The following NDRG2 variants were observed in gnomAD, a reference collection of about 807,000 sequenced individuals.
NDRG2 encodes NDRG family member 2, also known as protein NDRG2.
In NDRG2, 34 loss-of-function variants were observed where a neutral mutation model predicts 58.2. The ratio of observed to expected loss-of-function variants is 0.58; its 90% CI spans 0.44 to 0.78. The LOEUF is 0.78. NDRG2 is among the 30% of genes least tolerant of loss of function. The probability of loss-of-function intolerance (pLI) is 0.00; values close to 1 mark genes in which losing one functional copy is unlikely to be tolerated. For missense variants in NDRG2, 434 were observed against 471.2 expected (o/e 0.92, Z 0.73); for synonymous variants, 187 against 175.9 (o/e 1.06, Z -0.50).
chr14:21,070,643 T>C lies in NDRG2; in HGVS notation c.24+185A>G, dbSNP rs540513607. 6.6e-6 allele frequency among the ~76,000 whole-genome samples: 1 copy of C among 151,744 alleles called. No homozygotes were observed. Among genetic ancestry groups the C allele is most frequent in the Non-Finnish European group, 1.5e-5 (1 of 67,886 alleles). On this transcript the variant is annotated intron_variant, in intron 1 of 14. Coordinates refer to the NDRG2 transcript ENST00000403829. This position sits in a 1 kb window ranked among gnomAD's most constrained non-coding sequence, Gnocchi z 4.7. ...CCTCCGCCTCCTCCCCCATCCTCCC[T>C]TGGGTCTCTCCCCTAATCCACACAC... is the stretch of plus-strand genomic sequence containing the variant.
At chr14:21,043,055 G>T (rs372072003) in intron 1 of NDRG2, 2 of 1,614,186 alleles carry the variant, frequency 1.2e-6, no homozygotes. Flanking sequence ...GGCTGTGGGT[G>T]GCAGAGATCC....
chr14:21,050,218 T>C (rs1885403983), intron 1 of NDRG2, among the ~76,000 whole-genome samples: 1 of 152,214 alleles, frequency 6.6e-6, no homozygotes, highest in Non-Finnish European at 1.5e-5. Context: ...GACCTTCACC[T>C]GAATGCTCAT....
chr14:21,030,743 C>G, upstream of NDRG2: 1 of 1,613,910 alleles, frequency 6.2e-7, no homozygotes, highest in Non-Finnish European at 8.5e-7. Flanking sequence ...ACATCGTGTT[C>G]AGCAAAGTCA....
intron 1 of NDRG2, chr14:21,030,927 C>A: frequency 1.9e-6 from 3 of 1,540,998 alleles, no homozygotes; most frequent in Non-Finnish European, 2.6e-6. Context: ...ACAAAAGAGG[C>A]CAAATCTGAG....
intron 1 of NDRG2, among the ~76,000 whole-genome samples, chr14:21,062,266 G>A (rs1886000913): frequency 6.6e-6 from 1 of 152,214 alleles, no homozygotes; most frequent in Admixed American, 6.5e-5. Flanking sequence ...ACTGCACAGT[G>A]GGCTTTGGTG....
At chr14:21,026,150 A>C (rs995552026), upstream of NDRG2, among the ~76,000 whole-genome samples, 1 of 151,302 alleles carries the variant, frequency 6.6e-6, no homozygotes, top group Non-Finnish European at 1.5e-5. Flanking sequence ...ACACACGCAC[A>C]CGCACACACA....
upstream of NDRG2, chr14:21,029,248 C>T (rs905244269): frequency 1.3e-5 from 2 of 152,166 alleles, no homozygotes; most frequent in African/African-American, 4.8e-5. Flanking sequence ...TTCATTAATC[C>T]GTTTTCATTA....
intron 1 of NDRG2, among the ~76,000 whole-genome samples, chr14:21,062,393 C>T (rs1886009417): frequency 6.6e-6 from 1 of 152,150 alleles, no homozygotes; most frequent in Non-Finnish European, 1.5e-5. Context: ...CAGAGTGGAA[C>T]CTGGACCTCT....
chr14:21,043,478 T>C, intron 1 of NDRG2: 1 of 1,553,902 alleles, frequency 6.4e-7, no homozygotes, highest in Non-Finnish European at 8.7e-7. Context: ...CCAGACTGGC[T>C]TGCTCTTTGG....
intron 7 of NDRG2, 31 bp downstream of exon 7, chr14:21,020,753 C>T (rs202002305): frequency 1.2e-6 from 2 of 1,613,854 alleles, no homozygotes; most frequent in Admixed American, 1.7e-5. Context: ...CTGGACCCTC[C>T]TTTCCCTCCT....
intron 14 of NDRG2, 53 bp from the exon 15 acceptor site, chr14:21,018,091 G>C: frequency 6.2e-7 from 1 of 1,605,164 alleles, no homozygotes; most frequent in Non-Finnish European, 8.5e-7. Flanking sequence ...TAGAGGAAGA[G>C]CTGGAGCCTG....
At chr14:21,017,832 T>C in intron 15 of NDRG2, 70 bp from the exon 16 acceptor site, 1 of 1,605,332 alleles carries the variant, frequency 6.2e-7, no homozygotes, top group African/African-American at 1.3e-5. Flanking sequence ...ACTCAGGGTG[T>C]GGTCCTTGGA....
chr14:21,048,695 G>GA (rs1885322684), intron 1 of NDRG2, among the ~76,000 whole-genome samples: 1 of 152,218 alleles, frequency 6.6e-6, no homozygotes, highest in Non-Finnish European at 1.5e-5. Context: ...AGCATGTAGG[G>GA]AAAGTTTGAA....
At chr14:21,018,861 C>T in intron 11 of NDRG2, 47 bp from the exon 12 acceptor site, 2 of 1,610,190 alleles carry the variant, frequency 1.2e-6, no homozygotes, top group Non-Finnish European at 1.7e-6. Flanking sequence ...CTGGCACTCC[C>T]TCACTGGCCT....
chr14:21,069,647 A>G (rs1339637851), intron 1 of NDRG2, among the ~76,000 whole-genome samples: 2 of 152,234 alleles, frequency 1.3e-5, no homozygotes, highest in African/African-American at 4.8e-5. Context: ...TTCCCCAGGC[A>G]ACACAGAGGA....
rs1884479267 is a variant in NDRG2 at position 21,034,433 on chromosome 14, A to G, written c.25-11112T>C. 7.6e-6 allele frequency: 5 copies of G among 657,764 alleles called. 1 individual carries two copies. The highest frequency in any genetic ancestry group is 4.0e-5 in the South Asian group (2 of 50,040). The allele number at this position is 657,764 out of a possible 1,614,324, so 40.7% of individuals were successfully genotyped here. ...ATAACCAAGTTCTCATGACCCAGAA[A>G]GAGGAGATGCTTGCCCAAGGCCACC... is the stretch of plus-strand genomic sequence containing the variant. On this transcript the variant is annotated intron_variant, in intron 1 of 14. Transcript: ENST00000403829.
rs1313106044 is a variant in NDRG2, at chr14:21,020,414, G to T, written c.555+82C>A. ...CTCCTTGAAGTTCAGAGTCCATCCAGTTAGGCTATCTACCAGAGCCTAACT... is the reference window on the plus strand; with the variant it reads ...CTCCTTGAAGTTCAGAGTCCATCCATTTAGGCTATCTACCAGAGCCTAACT... On this transcript the variant is annotated intron_variant, in intron 8 of 15. Coordinates refer to ENST00000556147, the MANE Select transcript of NDRG2 (RefSeq NM_001320329.2). 24 of 1,077,674 alleles carry T rather than the reference G, an allele frequency of 2.2e-5. No individual in the cohort carries two copies. In the East Asian group the frequency reaches 5.8e-4, roughly 26 times the overall value. 66.8% of individuals were successfully genotyped at this position (1,077,674 alleles called of 1,614,324 possible).
upstream of NDRG2, chr14:21,025,806 G>T: frequency 2.5e-6 from 2 of 785,268 alleles, no homozygotes; most frequent in Non-Finnish European, 3.1e-6. This position sits in a 1 kb window ranked among gnomAD's most constrained non-coding sequence, Gnocchi z 5.1. Context: ...GCGGGCAGGC[G>T]GGGGGTGGGG....
At chr14:21,060,840 TTGTC>T (rs1213903693) in intron 1 of NDRG2, among the ~76,000 whole-genome samples, 3 of 152,196 alleles carry the variant, frequency 2.0e-5, no homozygotes, top group African/African-American at 7.2e-5. Context: ...TCGTGCTTGT[TTGTC>T]TGTTTCTCCA....
Sources: gnomAD v4.1 joint callset for allele counts (sites outside exome capture counted in the v4.1 genomes callset) on GRCh38, gnomAD v4.1.1 for gene constraint, Gnocchi (gnomAD v3.1) non-coding constraint, MANE v1.5 for transcripts, NCBI Gene and HGNC (gene_info 2026-07-23, HGNC 2026-07-21) for gene names.